The following PLEKHA8 variants were observed in gnomAD, a reference collection of about 807,000 sequenced individuals.
PLEKHA8 encodes the protein pleckstrin homology domain containing A8, also known as pleckstrin homology domain-containing family A member 8.
A neutral mutation model predicts 68.2 loss-of-function variants in PLEKHA8; 36 were observed. That is an observed-to-expected ratio of 0.53 (90% CI 0.40 to 0.70). The LOEUF is 0.70. Among genes scored for constraint, PLEKHA8 ranks in the 30% least tolerant of loss-of-function variants. The probability of loss-of-function intolerance (pLI) is 0.00; values close to 1 mark genes in which losing one functional copy is unlikely to be tolerated. For missense variants in PLEKHA8, 505 were observed against 615.4 expected (o/e 0.82, Z 1.90); for synonymous variants, 211 against 216.1 (o/e 0.98, Z 0.20).
downstream of PLEKHA8, among the ~76,000 whole-genome samples, chr7:30,089,173 C>T (rs1217038205): frequency 1.3e-5 from 2 of 152,174 alleles, no homozygotes; most frequent in African/African-American, 2.4e-5. Flanking sequence ...TCCATACAGA[C>T]ACAAAGACAC....
Position 30,097,292 on chromosome 7 carries a change from A to G in PLEKHA8, c.1362+23160A>G, listed in dbSNP as rs571989714. Reference sequence around the variant, plus strand: ...CTTCATTTCAACTTTGGTGAATCTGATAATTATGTGTCTTGGAATTGCTCT... The same window carrying G: ...CTTCATTTCAACTTTGGTGAATCTGGTAATTATGTGTCTTGGAATTGCTCT... On this transcript the variant is annotated intron_variant, in intron 13 of 13. Transcript: ENST00000396257. Among the ~76,000 whole-genome samples, 4 of 152,084 alleles carry G rather than the reference A, an allele frequency of 2.6e-5. No homozygotes were observed. In the South Asian group the frequency reaches 8.3e-4, roughly 32 times the overall value.
chr7:30,070,280 A>G (rs904859598), intron 12 of PLEKHA8, among the ~76,000 whole-genome samples: 32 of 152,140 alleles, frequency 2.1e-4, no homozygotes, highest in Non-Finnish European at 2.9e-5. Context: ...TCCTTTGGCA[A>G]GGTATAAGCA....
At chr7:30,039,012 C>CAT (rs78553639) in intron 1 of PLEKHA8, among the ~76,000 whole-genome samples, 42,810 of 151,662 alleles carry the variant, frequency 0.28, 6,533 homozygotes, top group African/African-American at 0.4. Flanking sequence ...TCATTGAAAA[C>CAT]GTGTTGTTCA....
rs1231941889 is a variant in PLEKHA8 at position 30,056,308 on chromosome 7, C to CTA, written c.1039+967_1039+968insAT. ...TCTCTCTCTCTCTCTCTCTCTCTCT[C>CTA]TCTCTATATATATATATATATATAA... is the stretch of plus-strand genomic sequence containing the variant. On this transcript the variant is annotated intron_variant, in intron 9 of 13. Transcript: ENST00000449726. Among the ~76,000 whole-genome samples, 188 of 83,208 alleles carry CTA rather than the reference C, an allele frequency of 2.3e-3. 1 individual carries two copies. The highest frequency in any genetic ancestry group is 9.0e-3 in the South Asian group (18 of 1,996). The allele number at this position is 83,208 out of a possible 152,430, so 54.6% of individuals were successfully genotyped here.
chr7:30,089,407 A>G (rs1240511895), downstream of PLEKHA8, among the ~76,000 whole-genome samples: 1 of 151,214 alleles, frequency 6.6e-6, no homozygotes, highest in East Asian at 1.9e-4. Context: ...GCTATGACCA[A>G]CCTCTGTTCT....
chr7:30,028,949 C>A, intron 1 of PLEKHA8, 147 bp downstream of exon 1: 1 of 953,430 alleles, frequency 1.0e-6, no homozygotes, highest in Non-Finnish European at 1.4e-6. Flanking sequence ...CAAAGCAGTT[C>A]TCTCACGGGA....
chr7:30,099,452 C>T (rs1049133711), intron 13 of PLEKHA8, among the ~76,000 whole-genome samples: 9 of 152,166 alleles, frequency 5.9e-5, no homozygotes, highest in Non-Finnish European at 1.0e-4. Context: ...ACCCAGAGTG[C>T]GGAGTATGTC....
At chr7:30,061,824 T>A in intron 10 of PLEKHA8, 73 bp from the exon 11 acceptor site, 1 of 1,555,666 alleles carries the variant, frequency 6.4e-7, no homozygotes, top group Non-Finnish European at 8.8e-7. Context: ...AACTTACAAG[T>A]CTCCAGACTA....
Position 30,083,048 on chromosome 7 carries a change from A to G in PLEKHA8, c.*4261A>G, listed in dbSNP as rs1483006441. The G allele has an allele frequency of 1.0e-6, 1 of 982,022 alleles. No homozygotes were observed. The highest frequency in any genetic ancestry group is 4.7e-5 in the South Asian group (1 of 21,202). The allele number at this position is 982,022 out of a possible 1,614,324, so 60.8% of individuals were successfully genotyped here. A position where few individuals can be genotyped will look rare whatever the true frequency, so the allele number is the denominator to read the frequency against. On this transcript the variant is annotated 3_prime_UTR_variant, in exon 14 of 14. Transcript: ENST00000449726. ...TTTCTTTTTTTAAGATAATCTATCA[A>G]CCTTTTTTAAATTTTAAAATTTTTA...
chr7:30,048,188 A>G (rs778446434), intron 4 of PLEKHA8, among the ~76,000 whole-genome samples: 45 of 152,200 alleles, frequency 3.0e-4, no homozygotes, highest in Non-Finnish European at 4.9e-4. Context: ...GAGAAGCAAT[A>G]GTACATTTCA....
intron 13 of PLEKHA8, among the ~76,000 whole-genome samples, chr7:30,107,254 A>C (rs1428624705): frequency 6.6e-6 from 1 of 152,058 alleles, no homozygotes; most frequent in East Asian, 1.9e-4. Flanking sequence ...TAAATTTACA[A>C]TTTTATTGTA....
Position 30,123,415 on chromosome 7 carries a change from T to C in PLEKHA8, c.1363-5851T>C, listed in dbSNP as rs143295172. On this transcript the variant is annotated intron_variant, in intron 13 of 13. Transcript: ENST00000396257. ...CACACTTGGTGCAGAGAACAGCTGC[T>C]CCCTCTTCTGAATGATGTGGTAGAT... Among the ~76,000 whole-genome samples, 33 of 152,294 alleles carry C rather than the reference T, an allele frequency of 2.2e-4. No individual in the cohort carries two copies. In the East Asian group the frequency reaches 5.0e-3, roughly 23 times the overall value.
intron 9 of PLEKHA8, among the ~76,000 whole-genome samples, chr7:30,059,165 C>T (rs1267302498): frequency 6.6e-6 from 1 of 152,208 alleles, no homozygotes; most frequent in Non-Finnish European, 1.5e-5. Flanking sequence ...GATGCTGTAT[C>T]TATTTACTTA....
At chr7:30,028,953 C>G (rs1326124892) in intron 1 of PLEKHA8, 151 bp downstream of exon 1, 1 of 938,608 alleles carries the variant, frequency 1.1e-6, no homozygotes, top group Non-Finnish European at 1.4e-6. Context: ...GCAGTTCTCT[C>G]ACGGGACCGT....
intron 6 of PLEKHA8, among the ~76,000 whole-genome samples, chr7:30,052,494 G>A (rs140342280): frequency 0.011 from 1,603 of 152,096 alleles, 14 homozygotes; most frequent in Non-Finnish European, 0.015. Context: ...AAATTAGCCG[G>A]GCATGGTGGC....
At chr7:30,101,341 G>A (rs1795845507) in intron 13 of PLEKHA8, among the ~76,000 whole-genome samples, 1 of 152,180 alleles carries the variant, frequency 6.6e-6, no homozygotes, top group Admixed American at 6.5e-5. Flanking sequence ...CATAGACCGG[G>A]TAGCTTATGA....
At chr7:30,077,966 G>A (rs1794712083) in intron 13 of PLEKHA8, among the ~76,000 whole-genome samples, 1 of 152,140 alleles carries the variant, frequency 6.6e-6, no homozygotes, top group Non-Finnish European at 1.5e-5. Flanking sequence ...CTCATTAGCT[G>A]TATGACGTTT....
At chr7:30,048,305 C>G (rs1171283111) in intron 4 of PLEKHA8, among the ~76,000 whole-genome samples, 2 of 152,086 alleles carry the variant, frequency 1.3e-5, no homozygotes, top group African/African-American at 4.8e-5. Flanking sequence ...ATATGTTTCT[C>G]TCCAGTTTAT....
intron 3 of PLEKHA8, 33 bp downstream of exon 3, chr7:30,046,398 T>C: frequency 1.3e-6 from 2 of 1,535,464 alleles, no homozygotes; most frequent in Non-Finnish European, 1.8e-6. Context: ...TGTGGAAACC[T>C]TGGGAATCAC....
Sources: allele counts gnomAD v4.1 joint callset (sites outside exome capture counted in the v4.1 genomes callset), GRCh38; gene constraint gnomAD v4.1.1; transcripts MANE v1.5; gene names NCBI Gene and HGNC (gene_info 2026-07-23, HGNC 2026-07-21).